Variants in FBXW7 observed in about 807,000 individuals in gnomAD.
The protein encoded by FBXW7 is F-box/WD repeat-containing protein 7.
Under a neutral mutation model 86.3 loss-of-function variants are expected in FBXW7, and 11 were observed. The observed-to-expected ratio is 0.13, with a 90% confidence interval of 0.08 to 0.21. The LOEUF is 0.21. FBXW7 is among the 10% of genes least tolerant of loss of function. The pLI is 1.00. For missense variants in FBXW7, 488 were observed against 847.4 expected (o/e 0.58, Z 5.27); for synonymous variants, 313 against 297.9 (o/e 1.05, Z -0.52).
chr4:152,396,608 T>TCCAAATA (rs1736437480), intron 4 of FBXW7, among the ~76,000 whole-genome samples: 1 of 152,048 alleles, frequency 6.6e-6, no homozygotes. Flanking sequence ...TTTCAACATA[T>TCCAAATA]CCAAATACTG....
Position 152,465,450 on chromosome 4 carries a change from A to C in FBXW7, c.-119-52921T>G, listed in dbSNP as rs188192689. On this transcript the variant is annotated intron_variant, in intron 2 of 13. Transcript: ENST00000281708. Reference sequence around the variant, plus strand: ...TTTCCTTACTGTCATCACAATTGAAAATTTAACAACATCATTAATAAGTTT... The same window carrying C: ...TTTCCTTACTGTCATCACAATTGAACATTTAACAACATCATTAATAAGTTT... 1.3e-4 allele frequency among the ~76,000 whole-genome samples: 20 copies of C among 152,278 alleles called. No individual in the cohort carries two copies. In the East Asian group the frequency reaches 2.3e-3, roughly 18 times the overall value.
chr4:152,511,482 A>T (rs1186491997), intron 2 of FBXW7, among the ~76,000 whole-genome samples: 2 of 152,036 alleles, frequency 1.3e-5, no homozygotes, highest in African/African-American at 4.8e-5. Flanking sequence ...ATCAAATTTC[A>T]GGTGGATATA....
intron 13 of FBXW7, chr4:152,323,883 G>C (rs1243758037): frequency 8.5e-6 from 2 of 234,618 alleles, no homozygotes; most frequent in African/African-American, 4.6e-5. Flanking sequence ...AAAATATAAT[G>C]AGTACGTTGC....
At chr4:152,437,722 GCA>G (rs902109006) in intron 2 of FBXW7, among the ~76,000 whole-genome samples, 4 of 152,150 alleles carry the variant, frequency 2.6e-5, no homozygotes, top group Non-Finnish European at 4.4e-5. Flanking sequence ...AATCAATGCA[GCA>G]AACTTCATTG....
At chr4:152,406,899 C>T (rs1314305589) in intron 4 of FBXW7, among the ~76,000 whole-genome samples, 1 of 151,994 alleles carries the variant, frequency 6.6e-6, no homozygotes, top group African/African-American at 2.4e-5. Flanking sequence ...GATTGACAAC[C>T]GCTGCGGGGA....
At chr4:152,406,399 A>C (rs1202022594) in intron 4 of FBXW7, among the ~76,000 whole-genome samples, 2 of 152,170 alleles carry the variant, frequency 1.3e-5, no homozygotes, top group African/African-American at 4.8e-5. Flanking sequence ...CCTGGGAAAC[A>C]CAGCAAGGCC....
chr4:152,457,748 T>G (rs753150027), intron 2 of FBXW7, among the ~76,000 whole-genome samples: 5 of 151,424 alleles, frequency 3.3e-5, no homozygotes, highest in Non-Finnish European at 7.4e-5. Flanking sequence ...GAAAACAACT[T>G]CTCTAGTAGA....
At chr4:152,334,730 T>C (rs1348776031) in intron 7 of FBXW7, among the ~76,000 whole-genome samples, 1 of 152,228 alleles carries the variant, frequency 6.6e-6, no homozygotes, top group African/African-American at 2.4e-5. Flanking sequence ...AAGAGAAATA[T>C]AAAGAAATAC....
intron 2 of FBXW7, among the ~76,000 whole-genome samples, chr4:152,461,839 CACTT>C (rs530791142): frequency 3.4e-4 from 52 of 152,318 alleles, no homozygotes; most frequent in Middle Eastern, 3.4e-3. Context: ...AGTAAGTCCT[CACTT>C]AATACCATCG....
intron 2 of FBXW7, among the ~76,000 whole-genome samples, chr4:152,445,547 T>C (rs80124897): frequency 0.015 from 2,231 of 152,312 alleles, 28 homozygotes; most frequent in Middle Eastern, 0.037. Flanking sequence ...CTCTCTGAGC[T>C]TCAGTTCTCT....
chr4:152,422,629 A>G (rs979887614), intron 2 of FBXW7, among the ~76,000 whole-genome samples: 3 of 152,208 alleles, frequency 2.0e-5, no homozygotes, highest in Non-Finnish European at 4.4e-5. Context: ...AAAATAAAAT[A>G]CAGATACAGA....
chr4:152,426,529 T>C (rs1329345588), intron 2 of FBXW7, among the ~76,000 whole-genome samples: 1 of 152,084 alleles, frequency 6.6e-6, no homozygotes, highest in East Asian at 1.9e-4. Flanking sequence ...TTTGCATTTT[T>C]AGTAGAGACA....
At chr4:152,403,540 A>G (rs571018561) in intron 4 of FBXW7, among the ~76,000 whole-genome samples, 1 of 151,756 alleles carries the variant, frequency 6.6e-6, no homozygotes, top group Admixed American at 6.6e-5. Context: ...GGCACCAGAG[A>G]CAGGTTTCAT....
intron 2 of FBXW7, among the ~76,000 whole-genome samples, chr4:152,444,117 A>G (rs1174900717): frequency 2.6e-5 from 4 of 152,202 alleles, no homozygotes; most frequent in Non-Finnish European, 4.4e-5. Context: ...CTACATGAAA[A>G]TGCTGATATT....
At chr4:152,457,975 T>C (rs1274848684) in intron 2 of FBXW7, among the ~76,000 whole-genome samples, 2 of 152,114 alleles carry the variant, frequency 1.3e-5, no homozygotes, top group Non-Finnish European at 2.9e-5. Flanking sequence ...TTCTTTTAAT[T>C]TGATGTTTAC....
At chr4:152,408,653 T>G (rs1352145849) in intron 4 of FBXW7, among the ~76,000 whole-genome samples, 2 of 152,194 alleles carry the variant, frequency 1.3e-5, no homozygotes, top group African/African-American at 4.8e-5. Context: ...TGGGACATAG[T>G]ATCAGAAAAT....
intron 4 of FBXW7, among the ~76,000 whole-genome samples, chr4:152,405,753 A>C (rs1737370267): frequency 6.6e-6 from 1 of 152,236 alleles, no homozygotes; most frequent in South Asian, 2.1e-4. Flanking sequence ...CAAGTCTGTT[A>C]AATTATTCAG....
chr4:152,473,273 T>C (rs1468633855), intron 2 of FBXW7, among the ~76,000 whole-genome samples: 2 of 152,200 alleles, frequency 1.3e-5, no homozygotes, highest in Non-Finnish European at 2.9e-5. Context: ...GTCTTGCTAA[T>C]GCTTTCCTAG....
chr4:152,457,226 G>C (rs1202586281), intron 2 of FBXW7, among the ~76,000 whole-genome samples: 1 of 152,156 alleles, frequency 6.6e-6, no homozygotes, highest in East Asian at 1.9e-4. Context: ...CCTGCGAAGT[G>C]GGGAGTGAAG....
Sources: gnomAD v4.1 joint callset for allele counts (sites outside exome capture counted in the v4.1 genomes callset) on GRCh38, gnomAD v4.1.1 for gene constraint, MANE v1.5 for transcripts, NCBI Gene and HGNC (gene_info 2026-07-23, HGNC 2026-07-21) for gene names.